The following LY9 variants were observed in gnomAD, a reference collection of about 807,000 sequenced individuals.
The protein encoded by LY9 is T-lymphocyte surface antigen Ly-9.
A neutral mutation model predicts 64.6 loss-of-function variants in LY9; 59 were observed. The ratio of observed to expected loss-of-function variants is 0.91; its 90% CI spans 0.74 to 1.13. LY9 has a LOEUF of 1.13. Ranked by LOEUF, LY9 falls within the 50% of genes most tolerant of loss-of-function variation. The pLI is 0.00. For missense variants in LY9, 789 were observed against 797.2 expected (o/e 0.99, Z 0.12); for synonymous variants, 281 against 308.5 (o/e 0.91, Z 0.93).
intron 4 of LY9, chr1:160,815,075 T>C: frequency 3.1e-6 from 1 of 321,434 alleles, no homozygotes; most frequent in Non-Finnish European, 5.9e-6. Flanking sequence ...GTGCGGTGGC[T>C]CACACCTATA....
Position 160,816,690 on chromosome 1 carries a change from A to G in LY9, c.1169A>G (p.Asn390Ser). Residue 390 changes from asparagine (N) to serine (S), a missense_variant, in exon 5 of 10, where the codon AAC becomes AGC. Transcript: ENST00000263285. Reference sequence around the variant, plus strand: ...ACCTGCTCCGTGGAGGACGGGGGAAACACTGTCATGTACACATGGACCCCG... The same window carrying G: ...ACCTGCTCCGTGGAGGACGGGGGAAGCACTGTCATGTACACATGGACCCCG... Reference protein sequence around the residue: ...SLTCSVEDGGNTVMYTWTPLQ... With the variant: ...SLTCSVEDGGSTVMYTWTPLQ... 6.2e-7 allele frequency: 1 copy of G among 1,614,134 alleles called. No individual in the cohort carries two copies.
chr1:160,804,463 T>C (rs553184375), intron 2 of LY9, among the ~76,000 whole-genome samples: 1 of 152,372 alleles, frequency 6.6e-6, no homozygotes, highest in African/African-American at 2.4e-5. Context: ...ATTATCTTTT[T>C]GATATGCTGT....
Position 160,827,985 on chromosome 1 carries a change from A to C in LY9, c.*169A>C. On this transcript the variant is annotated 3_prime_UTR_variant, in exon 10 of 10. Transcript: ENST00000263285. ...CCTTCTCACCCTTAAGGACTCCCAA[A>C]CCCATTAATAGTTCAGACACAGGCT... is the stretch of plus-strand genomic sequence containing the variant. 3.9e-6 allele frequency: 2 copies of C among 515,730 alleles called. No homozygotes were observed. Among genetic ancestry groups the C allele is most frequent in the Non-Finnish European group, 6.9e-6 (2 of 288,924 alleles). The allele number at this position is 515,730 out of a possible 1,614,324, so 31.9% of individuals were successfully genotyped here.
intron 7 of LY9, among the ~76,000 whole-genome samples, chr1:160,821,151 T>TAACAAAAAAAAAAA (rs1668399954): frequency 9.5e-6 from 1 of 105,094 alleles, no homozygotes; most frequent in Admixed American, 1.1e-4. Context: ...GAAACTTTGC[T>TAACAAAAAAAAAAA]AAAAAAAAAA....
At chr1:160,827,498 C>A (rs1010230693) in intron 9 of LY9, among the ~76,000 whole-genome samples, 21 of 152,144 alleles carry the variant, frequency 1.4e-4, no homozygotes, top group African/African-American at 3.1e-4. Flanking sequence ...ATTTTTTTAT[C>A]CCCTGGATTT....
chr1:160,809,978 CA>C (rs1050536049), intron 2 of LY9: 6 of 152,212 alleles, frequency 3.9e-5, no homozygotes, highest in African/African-American at 1.4e-4. Context: ...CTTCTGAGTC[CA>C]AACAATTCAC....
intron 7 of LY9, among the ~76,000 whole-genome samples, chr1:160,821,163 A>AAC (rs1553192077): frequency 6.6e-6 from 1 of 150,772 alleles, no homozygotes; most frequent in Non-Finnish European, 1.5e-5. Context: ...AAAAAAAAAA[A>AAC]AAAAAACCAT....
chr1:160,802,335 C>T (rs1199667348), intron 2 of LY9: 2 of 988,352 alleles, frequency 2.0e-6, no homozygotes, highest in Non-Finnish European at 2.4e-6. Flanking sequence ...CCTGCAGGCG[C>T]GGGAGGCCAT....
intron 2 of LY9, among the ~76,000 whole-genome samples, chr1:160,807,154 A>G (rs1470199024): frequency 6.6e-6 from 1 of 151,636 alleles, no homozygotes; most frequent in Non-Finnish European, 1.5e-5. Context: ...ATTTCTTTGT[A>G]TTGTTTTTCA....
chr1:160,796,670 C>T (rs934310806), intron 1 of LY9, among the ~76,000 whole-genome samples: 2 of 152,148 alleles, frequency 1.3e-5, no homozygotes, highest in African/African-American at 2.4e-5. Context: ...GGATTACAGG[C>T]GTGAGCCCAG....
At chr1:160,819,839 GGA>G (rs1491141759) in intron 7 of LY9, among the ~76,000 whole-genome samples, 1 of 99,464 alleles carries the variant, frequency 1.0e-5, no homozygotes, top group Non-Finnish European at 2.1e-5. Flanking sequence ...GAGAAAGAAA[GGA>G]AGGAAGGAAG....
chr1:160,800,298 T>A (rs908686344), intron 2 of LY9: 18 of 532,398 alleles, frequency 3.4e-5, no homozygotes, highest in Non-Finnish European at 5.4e-5. Flanking sequence ...TCTTACTGTA[T>A]GTTTGTACCC....
At chr1:160,813,340 G>A (rs1667667361) in intron 2 of LY9, 1 of 420,664 alleles carries the variant, frequency 2.4e-6, no homozygotes, top group South Asian at 4.1e-5. Context: ...CTGGGTGTTA[G>A]ATGTTCAGAC....
intron 2 of LY9, chr1:160,801,750 C>A: frequency 6.7e-7 from 1 of 1,501,102 alleles, no homozygotes; most frequent in Non-Finnish European, 9.3e-7. Context: ...AATAGGGGTT[C>A]AACTTCATTC....
chr1:160,817,931 G>A (rs1215098909), intron 5 of LY9, among the ~76,000 whole-genome samples: 3 of 152,070 alleles, frequency 2.0e-5, no homozygotes, highest in African/African-American at 4.8e-5. Flanking sequence ...GATTAAGGGC[G>A]CTGTAGGATC....
At chr1:160,814,359 C>T in intron 3 of LY9, 61 bp from the exon 4 acceptor site, 3 of 1,316,138 alleles carry the variant, frequency 2.3e-6, no homozygotes, top group South Asian at 1.3e-5. Flanking sequence ...CTTTAGGATG[C>T]CTGGGGGCCA....
At chr1:160,818,077 G>A (rs1351321393) in intron 5 of LY9, 141 bp from the exon 6 acceptor site, 61 of 637,188 alleles carry the variant, frequency 9.6e-5, no homozygotes, top group Non-Finnish European at 1.4e-4. Flanking sequence ...AAAAATGGTT[G>A]TAGAATGAAT....
In LY9 at chr1:160,823,799, G is replaced by T. The variant is rs1177358222; in HGVS notation, c.1830+3G>T. 3 of 1,604,266 alleles carry T rather than the reference G, an allele frequency of 1.9e-6. No homozygotes were observed. The South Asian group carries it at 3.3e-5, about 18-fold the overall frequency. Reference sequence around the variant, plus strand: ...ATGCACAAGTGTTCAACTTACAGGTGAGCCCTTCTGATCAATACACCTTCC... The same window carrying T: ...ATGCACAAGTGTTCAACTTACAGGTTAGCCCTTCTGATCAATACACCTTCC... On this transcript the variant is annotated splice_donor_region_variant and intron_variant, in intron 8 of 9. Coordinates refer to ENST00000263285, the MANE Select transcript of LY9 (RefSeq NM_002348.4).
intron 2 of LY9, among the ~76,000 whole-genome samples, chr1:160,805,235 A>AT (rs1666867966): frequency 1.3e-5 from 2 of 149,836 alleles, no homozygotes; most frequent in South Asian, 4.2e-4. Context: ...GTAGGCATTT[A>AT]TTTCTATAAA....
Sources: gnomAD v4.1 joint callset for allele counts (sites outside exome capture counted in the v4.1 genomes callset) on GRCh38, gnomAD v4.1.1 for gene constraint, MANE v1.5 for transcripts, NCBI Gene and HGNC (gene_info 2026-07-23, HGNC 2026-07-21) for gene names.